CX3CR1: variants seen among roughly 807,000 people sequenced by gnomAD.
The protein encoded by CX3CR1 is CX3C chemokine receptor 1.
For synonymous variants in CX3CR1, 168 were observed against 178.5 expected (o/e 0.94, Z 0.47); for missense variants, 363 against 432.4 (o/e 0.84, Z 1.42).
chr3:39,289,272 G>A, the CX3CR1 span, among the ~76,000 whole-genome samples: 1 of 152,152 alleles, frequency 6.6e-6, no homozygotes, highest in African/African-American at 2.4e-5. Context: ...AGAAATCTGT[G>A]TTCCGGGGAT....
At chr3:39,273,775 A>G (rs987633946) in intron 1 of CX3CR1, among the ~76,000 whole-genome samples, 1 of 152,176 alleles carries the variant, frequency 6.6e-6, no homozygotes, top group African/African-American at 2.4e-5. Context: ...AGTAGCTGGG[A>G]GTATAGGTGT....
chr3:39,266,084 G>C lies in CX3CR1; in HGVS notation c.426C>G (p.Thr142=). 1 of 1,614,192 alleles carries C rather than the reference G, an allele frequency of 6.2e-7. No individual in the cohort carries two copies. The highest frequency in any genetic ancestry group is 8.5e-7 in the Non-Finnish European group (1 of 1,180,056). ...GGCTGATGGTGACGCCATGCTGCACGGTCCGGTTGTTCATGGAGTTGGCGG... is the reference window on the plus strand; with the variant it reads ...GGCTGATGGTGACGCCATGCTGCACCGTCCGGTTGTTCATGGAGTTGGCGG... ...VLAANSMNNR[T]VQHGVTISLG... Residue 142 remains threonine, a synonymous_variant, in exon 2 of 2, where the codon ACC becomes ACG. Coordinates refer to ENST00000399220, the MANE Select transcript of CX3CR1 (RefSeq NM_001337.4).
At chr3:39,280,282 C>T (rs2040880622), upstream of CX3CR1, 1 of 985,650 alleles carries the variant, frequency 1.0e-6, no homozygotes, top group East Asian at 1.1e-4. Flanking sequence ...GGAGCAGGCC[C>T]TGCAGTCAGC....
the CX3CR1 span, among the ~76,000 whole-genome samples, chr3:39,289,609 ATTC>A: frequency 1.3e-5 from 2 of 152,164 alleles, no homozygotes; most frequent in African/African-American, 4.8e-5. Context: ...CCTTTTAACT[ATTC>A]TTAGAAAAAA....
intron 1 of CX3CR1, among the ~76,000 whole-genome samples, chr3:39,276,819 G>A (rs150198261): frequency 8.3e-4 from 126 of 152,296 alleles, no homozygotes; most frequent in African/African-American, 2.9e-3. Flanking sequence ...ATATTGTTTA[G>A]GGATGATATT....
chr3:39,265,420 A>T lies in CX3CR1; in HGVS notation c.*22T>A. The T allele has an allele frequency of 1.3e-6, 2 of 1,577,474 alleles. No homozygotes were observed. The highest frequency in any genetic ancestry group is 2.3e-5 in the South Asian group (2 of 86,372). On this transcript the variant is annotated 3_prime_UTR_variant, in exon 2 of 2. Transcript: ENST00000399220. ...TTCAGGAACTCCAGGTTCTCTGTAG[A>T]CACAAGGCTTTGGGATTCCCTTCAG...
At position 39,266,360 on chromosome 3, in the gene CX3CR1, C is replaced by T. The variant is rs780502032; in HGVS notation, c.150G>A (p.Leu50=). The T allele has an allele frequency of 3.7e-6, 6 of 1,614,026 alleles. No individual in the cohort carries two copies. In the Admixed American group the frequency reaches 1.0e-4, roughly 27 times the overall value. The change falls in exon 2 of 2, where the codon TTG becomes TTA. Residue 50 remains leucine (L), a synonymous_variant. Transcript: ENST00000399220. Reference sequence around the variant, plus strand: ...TGTTGGTGAGGGCAAACACTACCAACAAATTTCCCACCAGGCCAATGGCAA... The same window carrying T: ...TGTTGGTGAGGGCAAACACTACCAATAAATTTCCCACCAGGCCAATGGCAA... ...VIFAIGLVGN[L]LVVFALTNSK... is the part of the protein sequence containing the mutation.
At chr3:39,290,268 A>G in the CX3CR1 span, among the ~76,000 whole-genome samples, 2 of 152,074 alleles carry the variant, frequency 1.3e-5, no homozygotes, top group African/African-American at 4.8e-5. Flanking sequence ...GTCTTAGTGG[A>G]TTTTATCTGG....
At chr3:39,281,282 G>A (rs1575212423), upstream of CX3CR1, 14 of 1,111,232 alleles carry the variant, frequency 1.3e-5, 1 homozygote, top group Middle Eastern at 8.0e-4. Context: ...GCAGAGTCAG[G>A]CCGCTCCCCA....
At chr3:39,275,066 T>C (rs967530398) in intron 1 of CX3CR1, among the ~76,000 whole-genome samples, 6 of 152,204 alleles carry the variant, frequency 3.9e-5, no homozygotes, top group Non-Finnish European at 5.9e-5. Context: ...TTCACCATGT[T>C]GGCCAGGCTG....
chr3:39,288,849 A>C, the CX3CR1 span, among the ~76,000 whole-genome samples: 2 of 152,228 alleles, frequency 1.3e-5, no homozygotes, highest in African/African-American at 4.8e-5. Flanking sequence ...ATATTTCTCT[A>C]AGCCTGAATT....
At chr3:39,291,256 C>T in the CX3CR1 span, among the ~76,000 whole-genome samples, 9 of 152,104 alleles carry the variant, frequency 5.9e-5, no homozygotes, top group South Asian at 2.1e-4. Flanking sequence ...GGGGTTTCAC[C>T]GTGTTGGCCA....
chr3:39,272,969 T>C (rs994644179), intron 1 of CX3CR1, among the ~76,000 whole-genome samples: 2 of 152,206 alleles, frequency 1.3e-5, no homozygotes, highest in African/African-American at 4.8e-5. Flanking sequence ...ATGATCCCCA[T>C]GGTATAAATT....
chr3:39,274,781 A>G (rs1302430049), intron 1 of CX3CR1, among the ~76,000 whole-genome samples: 1 of 152,214 alleles, frequency 6.6e-6, no homozygotes, highest in African/African-American at 2.4e-5. Context: ...ATTAAAAATA[A>G]AAACATTTAA....
At chr3:39,279,017 G>A (rs113372934) in intron 1 of CX3CR1, among the ~76,000 whole-genome samples, 3 of 152,180 alleles carry the variant, frequency 2.0e-5, no homozygotes, top group Admixed American at 6.5e-5. Flanking sequence ...AAAATTAGCC[G>A]GGCGGTGGTA....
chr3:39,269,029 A>G (rs1462310562), intron 1 of CX3CR1, among the ~76,000 whole-genome samples: 3 of 152,134 alleles, frequency 2.0e-5, no homozygotes, highest in Non-Finnish European at 2.9e-5. Flanking sequence ...TCCCCCTGAA[A>G]TAAGACATGC....
upstream of CX3CR1, chr3:39,281,796 C>T: frequency 1.1e-6 from 1 of 903,362 alleles, no homozygotes; most frequent in Non-Finnish European, 1.7e-6. Flanking sequence ...GTGCCCGTGG[C>T]AGGCTCTCTT....
chr3:39,287,615 C>T, the CX3CR1 span: 1 of 152,160 alleles, frequency 6.6e-6, no homozygotes, highest in Non-Finnish European at 1.5e-5. Context: ...ATCCTTGAAA[C>T]TGAATTGGGC....
intron 1 of CX3CR1, among the ~76,000 whole-genome samples, chr3:39,274,481 C>CAAAAA (rs10663570): frequency 4.0e-4 from 35 of 88,214 alleles, no homozygotes; most frequent in Non-Finnish European, 5.6e-4. Context: ...CAACCACCAC[C>CAAAAA]AAAAAAAAAA....
Sources: allele counts gnomAD v4.1 joint callset (sites outside exome capture counted in the v4.1 genomes callset), GRCh38; gene constraint gnomAD v4.1.1; transcripts MANE v1.5; gene names NCBI Gene and HGNC (gene_info 2026-07-23, HGNC 2026-07-21).